EPB41L3: variants seen among roughly 807,000 people sequenced by gnomAD.
The protein encoded by EPB41L3 is erythrocyte membrane protein band 4.1 like 3, also known as band 4.1-like protein 3.
A neutral mutation model predicts 127.1 loss-of-function variants in EPB41L3; 57 were observed. The observed-to-expected ratio is 0.45, with a 90% CI of 0.36 to 0.56. EPB41L3 has a LOEUF of 0.56. Among genes scored for constraint, EPB41L3 ranks in the 20% least tolerant of loss-of-function variants. EPB41L3 has a pLI of 0.00. For synonymous variants in EPB41L3, 572 were observed against 549.5 expected (o/e 1.04, Z -0.57); for missense variants, 1,273 against 1,372.2 (o/e 0.93, Z 1.14).
intron 1 of EPB41L3, among the ~76,000 whole-genome samples, chr18:5,531,914 G>A (rs1328149963): frequency 6.6e-6 from 1 of 152,060 alleles, no homozygotes; most frequent in Non-Finnish European, 1.5e-5. Flanking sequence ...AGAAGAGAAT[G>A]TGTATTTTAA....
chr18:5,521,107 C>A (rs537286420), intron 1 of EPB41L3, among the ~76,000 whole-genome samples: 39 of 152,288 alleles, frequency 2.6e-4, no homozygotes, highest in Non-Finnish European at 4.0e-4. Flanking sequence ...ACACAGAGAA[C>A]CATCTGTAAG....
At chr18:5,546,565 A>T (rs2093885055), upstream of EPB41L3, among the ~76,000 whole-genome samples, 1 of 152,124 alleles carries the variant, frequency 6.6e-6, no homozygotes, top group Non-Finnish European at 1.5e-5. Context: ...ACAAAACCCT[A>T]ATTATGGTAA....
chr18:5,445,281 C>T, intron 3 of EPB41L3, 37 bp from the exon 4 acceptor site: 1 of 1,515,734 alleles, frequency 6.6e-7, no homozygotes, highest in Non-Finnish European at 9.1e-7. Context: ...GTCAATACAA[C>T]ACAAAGAAAG....
At chr18:5,564,624 C>G (rs892348281) in intron 3 of EPB41L3, among the ~76,000 whole-genome samples, 15 of 152,088 alleles carry the variant, frequency 9.9e-5, no homozygotes, top group African/African-American at 3.4e-4. Context: ...TCTCAGAAAT[C>G]AGAAGGAAGA....
chr18:5,407,453 C>G (rs1341219025), intron 15 of EPB41L3: 2 of 549,166 alleles, frequency 3.6e-6, no homozygotes, highest in Admixed American at 6.6e-5. Flanking sequence ...CATAAGATTA[C>G]TATGTTTGAC....
intron 1 of EPB41L3, among the ~76,000 whole-genome samples, chr18:5,624,067 A>G (rs1599390039): frequency 6.6e-6 from 1 of 152,292 alleles, no homozygotes; most frequent in Middle Eastern, 3.4e-3. Context: ...GTGGCACACA[A>G]TCATAGCTCA....
intron 1 of EPB41L3, among the ~76,000 whole-genome samples, chr18:5,537,699 T>A (rs2093611972): frequency 1.3e-5 from 2 of 152,178 alleles, no homozygotes; most frequent in Non-Finnish European, 2.9e-5. Context: ...ACAGGCTATA[T>A]TCCAGCTAAA....
chr18:5,462,801 G>A (rs2084259752), intron 3 of EPB41L3, among the ~76,000 whole-genome samples: 1 of 152,184 alleles, frequency 6.6e-6, no homozygotes, highest in Admixed American at 6.5e-5. Flanking sequence ...CTCCCACAAA[G>A]TCTACCAAAT....
intron 1 of EPB41L3, among the ~76,000 whole-genome samples, chr18:5,506,946 C>A (rs1217375074): frequency 6.6e-6 from 1 of 152,184 alleles, no homozygotes; most frequent in Non-Finnish European, 1.5e-5. Context: ...TTATTAGAAT[C>A]ATTTTTTATA....
At chr18:5,520,773 C>G (rs1161027784) in intron 1 of EPB41L3, among the ~76,000 whole-genome samples, 1 of 152,196 alleles carries the variant, frequency 6.6e-6, no homozygotes, top group Non-Finnish European at 1.5e-5. Context: ...TGGCCTTAGG[C>G]AGGCCTCTGG....
chr18:5,481,674 G>T (rs567632994), intron 2 of EPB41L3, among the ~76,000 whole-genome samples: 1 of 152,206 alleles, frequency 6.6e-6, no homozygotes, highest in East Asian at 1.9e-4. Context: ...CTTGGCCAAA[G>T]GAGACACTGA....
At chr18:5,446,096 T>C (rs1267579180) in intron 3 of EPB41L3, among the ~76,000 whole-genome samples, 4 of 152,200 alleles carry the variant, frequency 2.6e-5, no homozygotes, top group African/African-American at 7.2e-5. Flanking sequence ...AATCCTTAGT[T>C]AGAAATTCTA....
chr18:5,557,247 T>A (rs1248551672), intron 3 of EPB41L3, among the ~76,000 whole-genome samples: 1 of 152,150 alleles, frequency 6.6e-6, no homozygotes, highest in Non-Finnish European at 1.5e-5. Flanking sequence ...TGCTCTGAGG[T>A]AACAGGCCTC....
chr18:5,441,239 T>C (rs959405972), intron 5 of EPB41L3, among the ~76,000 whole-genome samples: 7 of 152,108 alleles, frequency 4.6e-5, no homozygotes, highest in African/African-American at 1.4e-4. Context: ...CGGTTTCCAT[T>C]TTCTTAGAGA....
intron 20 of EPB41L3, 119 bp downstream of exon 20, chr18:5,395,490 G>T (rs192879830): frequency 1.2e-4 from 106 of 874,624 alleles, no homozygotes; most frequent in Admixed American, 2.0e-4. Context: ...AGCTATCCCG[G>T]CGTCCTGAGC....
At chr18:5,620,208 C>T (rs1166405814) in intron 1 of EPB41L3, among the ~76,000 whole-genome samples, 1 of 152,136 alleles carries the variant, frequency 6.6e-6, no homozygotes, top group Admixed American at 6.5e-5. Context: ...GTAACTCTAT[C>T]ACAAAGATGA....
chr18:5,609,298 T>C (rs2143993612), intron 3 of EPB41L3, among the ~76,000 whole-genome samples: 1 of 152,330 alleles, frequency 6.6e-6, no homozygotes, highest in Non-Finnish European at 1.5e-5. Context: ...CCAGCCTCTT[T>C]ATAATATCAT....
intron 3 of EPB41L3, among the ~76,000 whole-genome samples, chr18:5,469,305 G>A (rs2085624910): frequency 6.6e-6 from 1 of 152,170 alleles, no homozygotes; most frequent in Non-Finnish European, 1.5e-5. Context: ...CCAAGCTTCC[G>A]GGTGTCACTG....
rs571073386 is a variant in EPB41L3 at position 5,434,233 on chromosome 18, T to A, written c.606-112A>T. On this transcript the variant is annotated intron_variant, in intron 6 of 22. Transcript: ENST00000341928. Reference sequence around the variant, plus strand: ...ATTTCTCCCTGTAGAACAGCCTCTCTAGGATAAATTTTCTAGCGTCTATAT... The same window carrying A: ...ATTTCTCCCTGTAGAACAGCCTCTCAAGGATAAATTTTCTAGCGTCTATAT... 1.3e-5 allele frequency: 10 copies of A among 742,592 alleles called. No individual in the cohort carries two copies. The African/African-American group carries it at 1.4e-4, about 10-fold the overall frequency. The allele number at this position is 742,592 out of a possible 1,614,324, so 46.0% of individuals were successfully genotyped here. A position where few individuals can be genotyped will look rare whatever the true frequency, so the allele number is the denominator to read the frequency against.
Sources: gnomAD v4.1 joint callset for allele counts (sites outside exome capture counted in the v4.1 genomes callset) on GRCh38, gnomAD v4.1.1 for gene constraint, MANE v1.5 for transcripts, NCBI Gene and HGNC (gene_info 2026-07-23, HGNC 2026-07-21) for gene names.